The following SIPA1L2 variants were observed in gnomAD, a reference collection of about 807,000 sequenced individuals.
SIPA1L2 encodes signal-induced proliferation-associated 1-like protein 2.
A neutral mutation model predicts 163.9 loss-of-function variants in SIPA1L2; 56 were observed. The observed-to-expected ratio is 0.34, with a 90% CI of 0.28 to 0.43. The LOEUF (loss-of-function observed/expected upper bound fraction) is 0.43. Among genes scored for constraint, SIPA1L2 ranks in the 20% least tolerant of loss-of-function variants. The pLI is 1.00. For synonymous variants in SIPA1L2, 877 were observed against 865.7 expected, an observed-to-expected ratio of 1.01 and a Z score of -0.23; for missense variants, 1,974 against 2,193.5, an observed-to-expected ratio of 0.90 and a Z score of 2.00.
At chr1:232,606,480 C>T (rs1218531914) in intron 1 of SIPA1L2, among the ~76,000 whole-genome samples, 1 of 151,860 alleles carries the variant, frequency 6.6e-6, no homozygotes, top group African/African-American at 2.4e-5. Context: ...AAGTAAATGC[C>T]AAAATCTCTA....
At chr1:232,495,699 G>A (rs375482385) in intron 3 of SIPA1L2, among the ~76,000 whole-genome samples, 3 of 152,204 alleles carry the variant, frequency 2.0e-5, no homozygotes, top group Admixed American at 6.5e-5. Context: ...TTTGGTCAGC[G>A]ACGCAACACA....
intron 18 of SIPA1L2, among the ~76,000 whole-genome samples, chr1:232,417,761 A>C (rs1194974133): frequency 1.3e-5 from 2 of 152,232 alleles, no homozygotes; most frequent in Non-Finnish European, 2.9e-5. Context: ...GCTTTGCTCA[A>C]GGCAAGTTTT....
At position 232,483,960 on chromosome 1, in the gene SIPA1L2, A is replaced by G; in HGVS notation, c.1813T>C (p.Phe605Leu). Residue 605 changes from phenylalanine (F) to leucine (L), a missense_variant, in exon 6 of 23, where the codon TTT (phenylalanine) becomes CTT (leucine). This residue lies in a region of SIPA1L2 where 288 missense variants were observed against 418.9 expected (regional missense o/e 0.69). Coordinates refer to ENST00000674635, the MANE Select transcript of SIPA1L2 (RefSeq NM_020808.5). The part of the protein sequence containing the change: ...LLKLDEQGLS[F>L]QHKIGILYCK... ...TAAAGGATCCCGATCTTGTGCTGAA[A>G]GCTCAGCTGAAATGGGGGAGAAATA... 6.2e-7 allele frequency: 1 copy of G among 1,607,128 alleles called. No homozygotes were observed. The highest frequency in any genetic ancestry group is 8.5e-7 in the Non-Finnish European group (1 of 1,178,122).
chr1:232,608,690 A>G (rs1264416285), intron 1 of SIPA1L2, among the ~76,000 whole-genome samples: 1 of 152,156 alleles, frequency 6.6e-6, no homozygotes, highest in Non-Finnish European at 1.5e-5. Context: ...CTCTGCATAT[A>G]TTACAAACAC....
At chr1:232,430,864 A>T (rs1662191803) in intron 16 of SIPA1L2, among the ~76,000 whole-genome samples, 1 of 152,138 alleles carries the variant, frequency 6.6e-6, no homozygotes, top group African/African-American at 2.4e-5. Flanking sequence ...TCCATACCAC[A>T]GGGGTCCCCA....
rs1660161165 is a variant in SIPA1L2 at position 232,398,725 on chromosome 1, T to C, written c.*402A>G. The C allele has an allele frequency of 1.2e-5, 2 of 164,222 alleles. No individual in the cohort carries two copies. Among genetic ancestry groups the C allele is most frequent in the South Asian group, 3.6e-4 (2 of 5,612 alleles). 10.2% of individuals were successfully genotyped at this position (164,222 alleles called of 1,614,324 possible). On this transcript the variant is annotated 3_prime_UTR_variant, in exon 23 of 23. Transcript: ENST00000674635. ...CTGATTATTTGTTCTCATGTTTATT[T>C]TACAATACTAAAGCCCAAACTATGG...
rs201914876 is a variant in SIPA1L2 at position 232,425,826 on chromosome 1, T to C, written c.4411-18A>G. 12 of 1,606,798 alleles carry C rather than the reference T, an allele frequency of 7.5e-6. No homozygotes were observed. In the South Asian group the frequency reaches 1.3e-4, roughly 18 times the overall value. ...AACGAAAACTAGGGTTTAAACAAGG[T>C]GCGAGGAGGGAACAGACATTAAAAA... is the stretch of plus-strand genomic sequence containing the variant. On this transcript the variant is annotated intron_variant, in intron 17 of 22. Transcript: ENST00000674635.
At chr1:232,506,616 C>T (rs1351479277) in intron 3 of SIPA1L2, among the ~76,000 whole-genome samples, 11 of 152,160 alleles carry the variant, frequency 7.2e-5, no homozygotes, top group Admixed American at 6.5e-4. Context: ...TCAATTTGTT[C>T]ATTTAGCAGG....
chr1:232,558,780 G>A (rs945077597), intron 2 of SIPA1L2, among the ~76,000 whole-genome samples: 11 of 152,098 alleles, frequency 7.2e-5, no homozygotes, highest in African/African-American at 2.7e-4. Flanking sequence ...TACACCATGT[G>A]CATCAAGTTT....
rs576655162 is a variant in SIPA1L2, at chr1:232,475,907, T to A, written c.2085+3720A>T. On this transcript the variant is annotated intron_variant, in intron 7 of 22. Coordinates refer to ENST00000674635, the MANE Select transcript of SIPA1L2 (RefSeq NM_020808.5). ...TTCTGTCACTAGGCAATACCAACCC[T>A]CACTCTAAGTAACAATCTTTGTGAT... 3.9e-5 allele frequency among the ~76,000 whole-genome samples: 6 copies of A among 152,274 alleles called. No homozygotes were observed. In the East Asian group the frequency reaches 1.2e-3, roughly 29 times the overall value.
Position 232,448,294 on chromosome 1 carries a change from T to C in SIPA1L2, c.3096-2508A>G, listed in dbSNP as rs1051312030. ...ACGGGAAGACTAGATAAGTCTCAACTCTAGAATTCAATTTACCATGTTGGC... is the reference window on the plus strand; with the variant it reads ...ACGGGAAGACTAGATAAGTCTCAACCCTAGAATTCAATTTACCATGTTGGC... On this transcript the variant is annotated intron_variant, in intron 10 of 22. Coordinates refer to ENST00000674635, the MANE Select transcript of SIPA1L2 (RefSeq NM_020808.5). Among the ~76,000 whole-genome samples the C allele has an allele frequency of 7.9e-5, 12 of 152,160 alleles. 1 individual carries two copies. Among genetic ancestry groups the C allele is most frequent in the Admixed American group, 2.6e-4 (4 of 15,270 alleles).
intron 6 of SIPA1L2, among the ~76,000 whole-genome samples, chr1:232,480,154 CGTGTGTGTGTGTGT>C (rs536840154): frequency 4.5e-5 from 6 of 132,824 alleles, no homozygotes; most frequent in South Asian, 2.5e-4. Context: ...TGTGTGTGTG[CGTGTGTGTGTGTGT>C]GTGTGTGTGT....
intron 18 of SIPA1L2, among the ~76,000 whole-genome samples, chr1:232,416,069 A>G: frequency 1.5e-5 from 1 of 68,748 alleles, no homozygotes; most frequent in Admixed American, 1.4e-4. Context: ...TCCCAGAGTC[A>G]GTCAGTCAGA....
chr1:232,467,629 C>G (rs759282566), intron 8 of SIPA1L2, among the ~76,000 whole-genome samples: 10 of 152,182 alleles, frequency 6.6e-5, no homozygotes, highest in Non-Finnish European at 8.8e-5. Flanking sequence ...ATATTGGGTA[C>G]GATAAACCAA....
In SIPA1L2 at chr1:232,482,418, G is replaced by A. The variant is rs564973095; in HGVS notation, c.1981+1374C>T. On this transcript the variant is annotated intron_variant, in intron 6 of 22. Coordinates refer to ENST00000674635, the MANE Select transcript of SIPA1L2 (RefSeq NM_020808.5). ...ATATCAGCATCTCTAGGGGGTGAAT[G>A]GTTGTTTGCAGAAAAGAGGAGTTTG... Among the ~76,000 whole-genome samples, 3 of 151,374 alleles carry A rather than the reference G, an allele frequency of 2.0e-5. No homozygotes were observed. The South Asian group carries it at 6.3e-4, about 32-fold the overall frequency.
At chr1:232,630,384 C>T (rs531666873), upstream of SIPA1L2, among the ~76,000 whole-genome samples, 26 of 152,090 alleles carry the variant, frequency 1.7e-4, no homozygotes, top group African/African-American at 6.3e-4. Context: ...GGCTGCGGGG[C>T]GCATCATGAG....
chr1:232,463,500 T>G (rs1001158292), intron 9 of SIPA1L2, among the ~76,000 whole-genome samples: 7 of 152,206 alleles, frequency 4.6e-5, no homozygotes, highest in African/African-American at 1.7e-4. Context: ...ATTTGTAATA[T>G]TGTGCATCTT....
Position 232,403,564 on chromosome 1 carries a change from C to A in SIPA1L2, c.4824G>T (p.Arg1608Ser). The A allele has an allele frequency of 6.2e-7, 1 of 1,613,134 alleles. No individual in the cohort carries two copies. Among genetic ancestry groups the A allele is most frequent in the East Asian group, 2.2e-5 (1 of 44,862 alleles). ...LCHHTSYLDQ[R>S]VASFCTLTDM... The stretch of plus-strand genomic sequence containing the variant: ...CTGTCAGGGTGCAGAAGGATGCCAC[C>A]CTCTGGTCTGGGGAGGGGAGAAACA... Residue 1608 changes from arginine (R) to serine (S), a missense_variant, in exon 21 of 23, where the codon AGG becomes AGT. Arg to Ser is a moderately radical substitution (Grantham distance 110). Coordinates refer to ENST00000674635, the MANE Select transcript of SIPA1L2 (RefSeq NM_020808.5).
At chr1:232,444,476 A>G (rs1299166893) in intron 11 of SIPA1L2, among the ~76,000 whole-genome samples, 1 of 152,212 alleles carries the variant, frequency 6.6e-6, no homozygotes, top group Non-Finnish European at 1.5e-5. Context: ...GGAGACCCAG[A>G]GCCAAGATGA....
Sources: gnomAD v4.1 joint callset for allele counts (sites outside exome capture counted in the v4.1 genomes callset) on GRCh38, gnomAD v4.1.1 for gene constraint, gnomAD v4.1.1 regional missense constraint, MANE v1.5 for transcripts, NCBI Gene and HGNC (gene_info 2026-07-23, HGNC 2026-07-21) for gene names.